Variants in TFAP2A observed in about 807,000 individuals in gnomAD.
TFAP2A encodes transcription factor AP-2 alpha, also known as transcription factor AP-2-alpha.
TFAP2A carries 7 observed loss-of-function variants against 41.5 expected under a neutral mutation model. The ratio of observed to expected loss-of-function variants is 0.17; its 90% CI spans 0.10 to 0.32. The LOEUF (loss-of-function observed/expected upper bound fraction) is 0.32, where lower values mean the gene tolerates loss of function less well. Among genes scored for constraint, TFAP2A ranks in the 10% least tolerant of loss-of-function variants. The pLI is 1.00. For synonymous variants in TFAP2A, 247 were observed against 242.8 expected (o/e 1.02, Z -0.16); for missense variants, 416 against 563.3 (o/e 0.74, Z 2.65).
At position 10,409,937 on chromosome 6, in the gene TFAP2A, C is replaced by A. The variant is rs747353442; in HGVS notation, c.450G>T (p.Ser150=). 30 of 1,556,844 alleles carry A rather than the reference C, an allele frequency of 1.9e-5. No homozygotes were observed. The highest frequency in any genetic ancestry group is 3.9e-5 in the Admixed American group (2 of 51,434). The part of the protein sequence containing the change: ...HALSSGLGDL[S]IHSLPHAIEE... ...CGATGGCGTGAGGTAAGGAGTGGAT[C>A]GAGAGGTCTCCGAGTCCTGAGCTGA... is the stretch of plus-strand genomic sequence containing the variant. The change falls in exon 2 of 7, where the codon TCG becomes TCT. Residue 150 remains serine (S), a synonymous_variant. Transcript: ENST00000379613.
Position 10,398,477 on chromosome 6 carries a change from G to C in TFAP2A, c.1260C>G (p.Pro420=). The C allele has an allele frequency of 1.2e-6, 2 of 1,614,234 alleles. No individual in the cohort carries two copies. Among genetic ancestry groups the C allele is most frequent in the Non-Finnish European group, 1.7e-6 (2 of 1,180,044 alleles). ...AMDKMYLSNN[P]NSHTDNNAKS... The stretch of plus-strand genomic sequence containing the variant: ...TGGCGTTGTTGTCCGTGTGGCTGTT[G>C]GGGTTGTTGCTGAGGTACATTTTGT... Residue 420 remains proline, a synonymous_variant, in exon 7 of 7, where the codon CCC becomes CCG. Coordinates refer to ENST00000379613, the MANE Select transcript of TFAP2A (RefSeq NM_001372066.1). This position sits in a 1 kb window ranked among gnomAD's most constrained non-coding sequence, Gnocchi z 5.3.
At chr6:10,411,388 A>C (rs1186327226) in intron 1 of TFAP2A, among the ~76,000 whole-genome samples, 2 of 151,064 alleles carry the variant, frequency 1.3e-5, no homozygotes, top group African/African-American at 2.4e-5. Context: ...GGGGTAATGC[A>C]CTCGATTTAG....
In TFAP2A at chr6:10,398,656, G is replaced by A. The variant is rs1462249987; in HGVS notation, c.1081C>T (p.Leu361=). 1 of 1,614,172 alleles carries A rather than the reference G, an allele frequency of 6.2e-7. No individual in the cohort carries two copies. Among genetic ancestry groups the A allele is most frequent in the East Asian group, 2.2e-5 (1 of 44,880 alleles). ...TDLLAQDRSP[L]GNSRPNPILE... is the part of the protein sequence containing the mutation. ...ATGGGGTTGGGCCGTGAGTTCCCCAGGGGAGATCGGTCCTGAGCCAGCAGG... is the reference window on the plus strand; with the variant it reads ...ATGGGGTTGGGCCGTGAGTTCCCCAAGGGAGATCGGTCCTGAGCCAGCAGG... The change falls in exon 7 of 7, where the codon CTG becomes TTG. Residue 361 remains leucine, a synonymous_variant. Transcript: ENST00000379613. The surrounding 1 kb of genome is among the most constrained non-coding windows in gnomAD (Gnocchi z 5.3).
At chr6:10,400,421 G>A (rs781256142) in intron 6 of TFAP2A, 27 bp downstream of exon 6, 2 of 1,614,080 alleles carry the variant, frequency 1.2e-6, no homozygotes, top group African/African-American at 1.3e-5. Flanking sequence ...ACGAGACACA[G>A]AGACCCCATA....
At chr6:10,403,582 A>G (rs1166025079) in intron 4 of TFAP2A, among the ~76,000 whole-genome samples, 1 of 152,150 alleles carries the variant, frequency 6.6e-6, no homozygotes, top group Non-Finnish European at 1.5e-5. Context: ...AGTCAAAACA[A>G]TGAAGTTCTC....
At chr6:10,412,717 C>T in intron 1 of TFAP2A, 1 of 318,062 alleles carries the variant, frequency 3.1e-6, no homozygotes, top group Non-Finnish European at 6.4e-6. Flanking sequence ...GCCGCGGGCT[C>T]CGCCGCTTCG....
In TFAP2A at chr6:10,398,464, C is replaced by T. The variant is rs771307700; in HGVS notation, c.1273G>A (p.Asp425Asn). The T allele has an allele frequency of 6.2e-7, 1 of 1,614,222 alleles. No homozygotes were observed. Among genetic ancestry groups the T allele is most frequent in the Non-Finnish European group, 8.5e-7 (1 of 1,180,046 alleles). ...TTGTCACTGCTTTTGGCGTTGTTGT[C>T]CGTGTGGCTGTTGGGGTTGTTGCTG... ...YLSNNPNSHTDNNAKSSDKEE... is the reference protein window; with the variant it reads ...YLSNNPNSHTNNNAKSSDKEE... The change falls in exon 7 of 7, where the codon GAC (aspartate) becomes AAC (asparagine). Residue 425 changes from aspartate (D) to asparagine (N), a missense_variant. Physicochemically the swap from Asp to Asn is conservative, Grantham distance 23 (BLOSUM62 1). Coordinates refer to ENST00000379613, the MANE Select transcript of TFAP2A (RefSeq NM_001372066.1). This position sits in a 1 kb window ranked among gnomAD's most constrained non-coding sequence, Gnocchi z 5.3.
At chr6:10,411,666 G>A in intron 1 of TFAP2A, 1 of 1,608,780 alleles carries the variant, frequency 6.2e-7, no homozygotes, top group African/African-American at 1.3e-5. Context: ...CGGCTGCCCC[G>A]CCGCCCGAGC....
chr6:10,398,128 G>C lies in TFAP2A; in HGVS notation c.*289C>G. On this transcript the variant is annotated 3_prime_UTR_variant, in exon 7 of 7. Transcript: ENST00000379613. The surrounding 1 kb of genome is among the most constrained non-coding windows in gnomAD (Gnocchi z 5.3). ...AACTTGGCAGAACTTTTCTCTGCTG[G>C]CTTCACGGCCTGTTCTGTTCTCTTA... 2 of 1,319,194 alleles carry C rather than the reference G, an allele frequency of 1.5e-6. No homozygotes were observed. Among genetic ancestry groups the C allele is most frequent in the South Asian group, 2.2e-5 (1 of 46,248 alleles). The allele number at this position is 1,319,194 out of a possible 1,614,324, so 81.7% of individuals were successfully genotyped here.
intron 3 of TFAP2A, chr6:10,405,182 G>A (rs1241358313): frequency 6.0e-6 from 1 of 165,412 alleles, no homozygotes; most frequent in East Asian, 1.7e-4. Context: ...TTGCTGGGTG[G>A]GGTTTTAGTG....
At chr6:10,414,574 C>CT (rs1439037876) in intron 1 of TFAP2A, 2 of 442,682 alleles carry the variant, frequency 4.5e-6, no homozygotes, top group Admixed American at 7.0e-5. Flanking sequence ...TTCCTGGTGA[C>CT]TTGGGCCCTC....
chr6:10,401,577 T>A (rs1210644375), intron 5 of TFAP2A, among the ~76,000 whole-genome samples: 4 of 152,262 alleles, frequency 2.6e-5, no homozygotes, highest in Non-Finnish European at 5.9e-5. Context: ...AATTGTAATA[T>A]ATCTCCTCAA....
At chr6:10,416,238 C>G (rs927529967), upstream of TFAP2A, 2 of 152,134 alleles carry the variant, frequency 1.3e-5, no homozygotes, top group Non-Finnish European at 2.9e-5. Flanking sequence ...GGGAGAGTTC[C>G]TTCATGATTT....
intron 5 of TFAP2A, 59 bp downstream of exon 5, chr6:10,402,433 A>G: frequency 7.9e-7 from 1 of 1,268,204 alleles, no homozygotes; most frequent in African/African-American, 1.5e-5. Context: ...TCTGGCCACT[A>G]AATATTATCC....
intron 5 of TFAP2A, among the ~76,000 whole-genome samples, chr6:10,401,819 C>T (rs1181349618): frequency 1.3e-5 from 2 of 152,118 alleles, no homozygotes; most frequent in Admixed American, 6.5e-5. Flanking sequence ...GAGTGGCTTC[C>T]GGTGGCAGTT....
Position 10,410,065 on chromosome 6 carries a change from C to G in TFAP2A, c.322G>C (p.Gly108Arg), listed in dbSNP as rs753730365. Residue 108 changes from glycine (G) to arginine (R), a missense_variant, in exon 2 of 7, where the codon GGG becomes CGG. By Grantham distance (125) the Gly-to-Arg change is moderately radical (BLOSUM62 -2). This residue lies in a region of TFAP2A where 241 missense variants were observed against 274.1 expected (regional missense o/e 0.88). Transcript: ENST00000379613. ...AGCCCCCGGTGCGTGTGCAGGAGCC[C>G]AGACTCCTGGCTCTGCCTCTGGCCG... ...WPGQRQSQES[G>R]LLHTHRGLPH... 3.7e-6 allele frequency: 6 copies of G among 1,612,822 alleles called. No individual in the cohort carries two copies. The Admixed American group carries it at 1.0e-4, about 27-fold the overall frequency.
chr6:10,399,844 T>G (rs1258847562), intron 6 of TFAP2A, among the ~76,000 whole-genome samples: 2 of 152,222 alleles, frequency 1.3e-5, no homozygotes, highest in Non-Finnish European at 2.9e-5. Flanking sequence ...TTGGGCCATT[T>G]TGAAATCTAT....
chr6:10,404,459 G>C (rs1033129223), intron 4 of TFAP2A, 49 bp downstream of exon 4: 1 of 1,400,260 alleles, frequency 7.1e-7, no homozygotes. Context: ...CAAGCGCAGT[G>C]GTTCCCCCGG....
Position 10,400,524 on chromosome 6 carries a change from C to T in TFAP2A, c.955G>A (p.Val319Ile). 6.2e-7 allele frequency: 1 copy of T among 1,614,158 alleles called. No homozygotes were observed. Among genetic ancestry groups the T allele is most frequent in the Non-Finnish European group, 8.5e-7 (1 of 1,180,030 alleles). Residue 319 changes from valine to isoleucine, a missense_variant, in exon 6 of 7, where the codon GTA becomes ATA. This residue lies in a region of TFAP2A where 59 missense variants were observed against 135.4 expected (regional missense o/e 0.44). Transcript: ENST00000379613. ...VCETEFPAKAVAEFLNRQHSD... is the reference protein window; with the variant it reads ...VCETEFPAKAIAEFLNRQHSD... ...TGTTGTCGGTTGAGAAATTCAGCTACTGCTTTGGCAGGAAATTCGGTTTCG... is the reference window on the plus strand; with the variant it reads ...TGTTGTCGGTTGAGAAATTCAGCTATTGCTTTGGCAGGAAATTCGGTTTCG...
Sources: gnomAD v4.1 joint callset for allele counts (sites outside exome capture counted in the v4.1 genomes callset) on GRCh38, gnomAD v4.1.1 for gene constraint, gnomAD v4.1.1 regional missense constraint, Gnocchi (gnomAD v3.1) non-coding constraint, MANE v1.5 for transcripts, NCBI Gene and HGNC (gene_info 2026-07-23, HGNC 2026-07-21) for gene names.